Variants in CHLSN observed in about 807,000 individuals in gnomAD.
The protein encoded by CHLSN is cholesin.
the CHLSN span, among the ~76,000 whole-genome samples, chr7:1,125,331 G>A: frequency 1.3e-5 from 2 of 152,194 alleles, no homozygotes; most frequent in East Asian, 1.9e-4. Context: ...TTTGCACAGC[G>A]GCCATTTTCT....
the CHLSN span, among the ~76,000 whole-genome samples, chr7:1,059,440 C>A: frequency 6.6e-6 from 1 of 151,866 alleles, no homozygotes; most frequent in Admixed American, 6.6e-5. Flanking sequence ...GGGCCCGGAC[C>A]GGCCTGTTCC....
chr7:1,118,885 C>T, the CHLSN span, among the ~76,000 whole-genome samples: 1 of 140,058 alleles, frequency 7.1e-6, no homozygotes, highest in Non-Finnish European at 1.5e-5. Flanking sequence ...AAGTATTAAA[C>T]AGTGTGGTAA....
the CHLSN span, among the ~76,000 whole-genome samples, chr7:1,022,642 C>A: frequency 6.6e-6 from 1 of 152,190 alleles, no homozygotes; most frequent in Non-Finnish European, 1.5e-5. Flanking sequence ...GTCCCACAAC[C>A]AACAGCATCG....
At chr7:1,096,851 G>A in the CHLSN span, among the ~76,000 whole-genome samples, 826 of 152,296 alleles carry the variant, frequency 5.4e-3, 8 homozygotes, top group African/African-American at 0.019. This position sits in a 1 kb window ranked among gnomAD's most constrained non-coding sequence, Gnocchi z 4.6. Context: ...TAATGCTCAC[G>A]CGCCCACTCA....
chr7:983,977 G>C, the CHLSN span, among the ~76,000 whole-genome samples: 1 of 152,294 alleles, frequency 6.6e-6, no homozygotes, highest in South Asian at 2.1e-4. Context: ...GCCTCCGGCT[G>C]CCCCCAACTG....
the CHLSN span, among the ~76,000 whole-genome samples, chr7:1,061,807 CG>C: frequency 2.0e-5 from 3 of 146,702 alleles, no homozygotes; most frequent in African/African-American, 8.3e-5. Context: ...GCCATCTCCC[CG>C]ACTCCCCAAT....
the CHLSN span, chr7:988,509 C>T: frequency 1.3e-6 from 2 of 1,599,184 alleles, no homozygotes; most frequent in Non-Finnish European, 1.7e-6. Flanking sequence ...CTGCACCCAC[C>T]TCCTGATCTC....
the CHLSN span, chr7:985,248 C>T: frequency 1.9e-6 from 3 of 1,552,112 alleles, no homozygotes; most frequent in Non-Finnish European, 2.6e-6. Flanking sequence ...GATTTGACTA[C>T]CGGGACCCCG....
the CHLSN span, among the ~76,000 whole-genome samples, chr7:1,027,817 G>A: frequency 1.3e-5 from 2 of 152,202 alleles, no homozygotes; most frequent in East Asian, 3.8e-4. Flanking sequence ...GTCACGCGGC[G>A]GCCGACGACT....
chr7:1,009,684 G>A, the CHLSN span, among the ~76,000 whole-genome samples: 3 of 152,222 alleles, frequency 2.0e-5, no homozygotes, highest in Non-Finnish European at 4.4e-5. Context: ...CTGGGGCAAG[G>A]TTCACCATCA....
chr7:1,106,365 G>A, the CHLSN span, among the ~76,000 whole-genome samples: 3 of 152,338 alleles, frequency 2.0e-5, no homozygotes, highest in South Asian at 2.1e-4. Context: ...TCCTTCCAGC[G>A]CTTCTGAGGG....
the CHLSN span, among the ~76,000 whole-genome samples, chr7:1,078,198 G>C: frequency 1.3e-5 from 2 of 152,350 alleles, no homozygotes; most frequent in South Asian, 4.1e-4. Flanking sequence ...CAGATATGCA[G>C]CTATGGTGGG....
chr7:1,137,351 C>T, the CHLSN span: 12 of 152,620 alleles, frequency 7.9e-5, no homozygotes, highest in African/African-American at 2.9e-4. Flanking sequence ...ATCTGTCTCT[C>T]CCCTCCAGAA....
chr7:996,698 C>G, the CHLSN span, among the ~76,000 whole-genome samples: 1 of 152,256 alleles, frequency 6.6e-6, no homozygotes, highest in African/African-American at 2.4e-5. Context: ...CGGTGCCCCG[C>G]GGCACCTCAC....
the CHLSN span, among the ~76,000 whole-genome samples, chr7:1,103,026 C>T: frequency 6.8e-4 from 103 of 152,340 alleles, 1 homozygote; most frequent in African/African-American, 2.2e-3. Flanking sequence ...ACCCGTGACA[C>T]GGAGCCCACC....
chr7:995,339 CCT>C, the CHLSN span, among the ~76,000 whole-genome samples: 50 of 152,204 alleles, frequency 3.3e-4, no homozygotes, highest in Non-Finnish European at 7.4e-5. Flanking sequence ...GGTGGGAACC[CCT>C]GACAGGAGAG....
chr7:1,034,453 C>G, the CHLSN span, among the ~76,000 whole-genome samples: 1 of 151,354 alleles, frequency 6.6e-6, no homozygotes, highest in Non-Finnish European at 1.5e-5. Context: ...AGCAAAGTAA[C>G]AAGGATAGCT....
At chr7:1,135,776 T>C in the CHLSN span, among the ~76,000 whole-genome samples, 1 of 90,262 alleles carries the variant, frequency 1.1e-5, no homozygotes, top group Non-Finnish European at 2.1e-5. Flanking sequence ...AAAAGAAATA[T>C]ATATATATAT....
At chr7:1,064,005 G>A in the CHLSN span, among the ~76,000 whole-genome samples, 25 of 152,026 alleles carry the variant, frequency 1.6e-4, no homozygotes, top group Admixed American at 7.2e-4. Flanking sequence ...AGGGGGACTA[G>A]CCACACTCAA....
Sources: gnomAD v4.1 joint callset for allele counts (sites outside exome capture counted in the v4.1 genomes callset) on GRCh38, gnomAD v4.1.1 for gene constraint, Gnocchi (gnomAD v3.1) non-coding constraint, MANE v1.5 for transcripts, NCBI Gene and HGNC (gene_info 2026-07-23, HGNC 2026-07-21) for gene names.